CYP2C19: variants seen among roughly 807,000 people sequenced by gnomAD.
CYP2C19 encodes the protein cytochrome P450 2C19.
Under a neutral mutation model 40.9 loss-of-function variants are expected in CYP2C19, and 59 were observed. The observed-to-expected ratio is 1.44, with a 90% confidence interval of 1.17 to 1.79. The LOEUF is 1.79. Among genes scored for constraint, CYP2C19 ranks in the 40% most tolerant of loss-of-function variants. The pLI is 0.00. For synonymous variants in CYP2C19, 253 were observed against 208.7 expected (o/e 1.21, Z -1.83); for missense variants, 754 against 596.9 (o/e 1.26, Z -2.74).
At chr10:94,777,174 G>T (rs1418548866) in intron 3 of CYP2C19, among the ~76,000 whole-genome samples, 1 of 151,964 alleles carries the variant, frequency 6.6e-6, no homozygotes, top group Non-Finnish European at 1.5e-5. Context: ...ATGGAAAAAC[G>T]TTCCATGCTC....
chr10:94,771,836 C>T (rs570403633), intron 1 of CYP2C19, among the ~76,000 whole-genome samples: 6 of 152,236 alleles, frequency 3.9e-5, no homozygotes, highest in African/African-American at 1.4e-4. Context: ...AATAGTTGCA[C>T]TCACCGACAC....
At chr10:94,830,023 C>T (rs947309017) in intron 6 of CYP2C19, among the ~76,000 whole-genome samples, 20 of 152,174 alleles carry the variant, frequency 1.3e-4, no homozygotes, top group Non-Finnish European at 2.6e-4. Flanking sequence ...CTCAGATCTC[C>T]AGCTGCATGC....
At chr10:94,813,320 T>C (rs1335989399) in intron 5 of CYP2C19, among the ~76,000 whole-genome samples, 1 of 151,868 alleles carries the variant, frequency 6.6e-6, no homozygotes, top group Admixed American at 6.5e-5. Flanking sequence ...TGCTGGGAGG[T>C]CTGCTGTTCT....
chr10:94,850,004 C>G lies in CYP2C19; in HGVS notation c.1237C>G (p.Leu413Val), dbSNP rs931859425. Reference protein sequence around the residue: ...NPEMFDPRHFLDEGGNFKKSN... With the variant: ...NPEMFDPRHFVDEGGNFKKSN... Reference sequence around the variant, plus strand: ...AGAGATGTTTGACCCTCGTCACTTTCTGGATGAAGGTGGAAATTTTAAGAA... The same window carrying G: ...AGAGATGTTTGACCCTCGTCACTTTGTGGATGAAGGTGGAAATTTTAAGAA... Residue 413 changes from leucine to valine, a missense_variant, in exon 8 of 9, where the codon CTG becomes GTG. Transcript: ENST00000371321. The G allele has an allele frequency of 4.3e-6, 7 of 1,613,578 alleles. No individual in the cohort carries two copies. The Admixed American group carries it at 8.3e-5, about 19-fold the overall frequency.
At chr10:94,774,282 A>G (rs184694785) in intron 1 of CYP2C19, 8 of 152,296 alleles carry the variant, frequency 5.3e-5, no homozygotes, top group Admixed American at 3.9e-4. Flanking sequence ...GAGAATAGCC[A>G]TGATAATAAG....
intron 5 of CYP2C19, among the ~76,000 whole-genome samples, chr10:94,820,139 C>A (rs1849089238): frequency 6.6e-6 from 1 of 151,854 alleles, no homozygotes; most frequent in South Asian, 2.1e-4. Context: ...AAGACAAAAA[C>A]CACATCATTA....
rs1589359984 is a variant in CYP2C19, at chr10:94,803,121, C to T, written c.820-17375C>T. Among the ~76,000 whole-genome samples the T allele has an allele frequency of 2.0e-5, 3 of 152,118 alleles. No homozygotes were observed. The East Asian group carries it at 5.8e-4, about 29-fold the overall frequency. On this transcript the variant is annotated intron_variant, in intron 5 of 8. Transcript: ENST00000371321. ...TTAGTGTGGTCTTTTGGTGGTTTTACAATATTCAGATATTTCATGGTGCCA... is the reference window on the plus strand; with the variant it reads ...TTAGTGTGGTCTTTTGGTGGTTTTATAATATTCAGATATTTCATGGTGCCA...
intron 6 of CYP2C19, among the ~76,000 whole-genome samples, chr10:94,835,934 C>T (rs891923095): frequency 1.6e-4 from 25 of 152,120 alleles, no homozygotes; most frequent in African/African-American, 4.1e-4. Flanking sequence ...TTTTCTACAA[C>T]GGAACTTCCA....
chr10:94,818,316 G>A (rs1324071265), intron 5 of CYP2C19, among the ~76,000 whole-genome samples: 17 of 150,588 alleles, frequency 1.1e-4, no homozygotes, highest in African/African-American at 4.2e-4. Flanking sequence ...TTTGAAGTCA[G>A]GTAGTGTGAT....
Position 94,786,952 on chromosome 10 carries a change from T to G in CYP2C19, c.819+4955T>G, listed in dbSNP as rs1298404761. ...TTTGCTATTGTGAATAGTGCAGAGATGGACATATGAGCACATGTGTCTTTT... is the reference window on the plus strand; with the variant it reads ...TTTGCTATTGTGAATAGTGCAGAGAGGGACATATGAGCACATGTGTCTTTT... On this transcript the variant is annotated intron_variant, in intron 5 of 8. Transcript: ENST00000371321. Among the ~76,000 whole-genome samples, 5 of 152,170 alleles carry G rather than the reference T, an allele frequency of 3.3e-5. No homozygotes were observed. The East Asian group carries it at 9.6e-4, about 29-fold the overall frequency.
rs1481504585 is a variant in CYP2C19, at chr10:94,799,853, A to T, written c.819+17856A>T. ...TTCTCATTCCATGGTTTTTGGTTCC[A>T]TCAGGTCATTTAAGGTCTTCTCTAC... On this transcript the variant is annotated intron_variant, in intron 5 of 8. Transcript: ENST00000371321. 4.6e-5 allele frequency among the ~76,000 whole-genome samples: 7 copies of T among 152,078 alleles called. No individual in the cohort carries two copies. The South Asian group carries it at 1.4e-3, about 31-fold the overall frequency.
At chr10:94,811,417 T>A (rs1206893896) in intron 5 of CYP2C19, among the ~76,000 whole-genome samples, 1 of 152,154 alleles carries the variant, frequency 6.6e-6, no homozygotes, top group African/African-American at 2.4e-5. Flanking sequence ...CAGAGCTTAG[T>A]TCAAGTCCTG....
rs1034230898 is a variant in CYP2C19 at position 94,805,369 on chromosome 10, A to T, written c.820-15127A>T. Reference sequence around the variant, plus strand: ...CACTGGTTGACTTTCTTGTTGAACCACCCTTGCATTTCTGGGATAAATCTA... The same window carrying T: ...CACTGGTTGACTTTCTTGTTGAACCTCCCTTGCATTTCTGGGATAAATCTA... On this transcript the variant is annotated intron_variant, in intron 5 of 8. Coordinates refer to ENST00000371321, the MANE Select transcript of CYP2C19 (RefSeq NM_000769.4). 3.3e-5 allele frequency among the ~76,000 whole-genome samples: 5 copies of T among 151,978 alleles called. No homozygotes were observed. In the South Asian group the frequency reaches 1.0e-3, roughly 32 times the overall value.
At chr10:94,852,581 C>A in intron 8 of CYP2C19, 152 bp from the exon 9 acceptor site, 1 of 748,992 alleles carries the variant, frequency 1.3e-6, no homozygotes, top group Non-Finnish European at 2.2e-6. Context: ...TTCATTCATG[C>A]ATTCACCCAA....
intron 5 of CYP2C19, among the ~76,000 whole-genome samples, chr10:94,790,479 G>A (rs1484342321): frequency 6.6e-6 from 1 of 151,992 alleles, no homozygotes; most frequent in African/African-American, 2.4e-5. Context: ...ATTGGCTGTG[G>A]GTTTGTCATA....
chr10:94,822,980 G>A (rs1045961033), intron 6 of CYP2C19, among the ~76,000 whole-genome samples: 5 of 151,594 alleles, frequency 3.3e-5, no homozygotes, highest in Non-Finnish European at 7.4e-5. Context: ...GATATTAGCT[G>A]TTTGAGCCCT....
At chr10:94,826,549 A>C (rs1235554688) in intron 6 of CYP2C19, among the ~76,000 whole-genome samples, 1 of 152,176 alleles carries the variant, frequency 6.6e-6, no homozygotes, top group Non-Finnish European at 1.5e-5. Flanking sequence ...CAGCTTAAGG[A>C]GATTTTGGGC....
intron 7 of CYP2C19, among the ~76,000 whole-genome samples, chr10:94,849,524 A>G (rs916316107): frequency 2.6e-5 from 4 of 151,818 alleles, no homozygotes; most frequent in African/African-American, 9.7e-5. Flanking sequence ...GTACATGTGC[A>G]CAATGTGCAG....
chr10:94,788,283 C>A (rs1424759389), intron 5 of CYP2C19, among the ~76,000 whole-genome samples: 1 of 151,968 alleles, frequency 6.6e-6, no homozygotes, highest in Non-Finnish European at 1.5e-5. Flanking sequence ...TTGGAAGGTT[C>A]TTTAGGGTTT....
Sources: gnomAD v4.1 joint callset for allele counts (sites outside exome capture counted in the v4.1 genomes callset) on GRCh38, gnomAD v4.1.1 for gene constraint, MANE v1.5 for transcripts, NCBI Gene and HGNC (gene_info 2026-07-23, HGNC 2026-07-21) for gene names.